Variants in ADARB2 observed in about 807,000 individuals in gnomAD.
ADARB2 encodes the protein adenosine deaminase RNA specific B2 (inactive), also known as inactive double-stranded RNA-specific editase B2.
ADARB2 carries 25 observed loss-of-function variants against 62.2 expected under a neutral mutation model. The observed-to-expected ratio is 0.40, with a 90% CI of 0.29 to 0.56. The LOEUF (loss-of-function observed/expected upper bound fraction) is 0.56. Ranked by LOEUF, ADARB2 falls within the 20% of genes least tolerant of loss-of-function variation. The pLI is 0.43. For synonymous variants in ADARB2, 572 were observed against 500.8 expected, an observed-to-expected ratio of 1.14 and a Z score of -1.90; for missense variants, 1,071 against 1,077.4, an observed-to-expected ratio of 0.99 and a Z score of 0.08.
intron 3 of ADARB2, among the ~76,000 whole-genome samples, chr10:1,345,684 G>A (rs1477102936): frequency 6.6e-6 from 1 of 152,182 alleles, no homozygotes; most frequent in African/African-American, 2.4e-5. Context: ...TCTTTTTTGA[G>A]GGACAGGACA....
At position 1,294,279 on chromosome 10, in the gene ADARB2, T is replaced by C. The variant is rs1589181917; in HGVS notation, c.1078-23210A>G. On this transcript the variant is annotated intron_variant, in intron 3 of 9. Coordinates refer to ENST00000381312, the MANE Select transcript of ADARB2 (RefSeq NM_018702.4). ...GAAATTCCATTTCTGATGCCAGCCA[T>C]GTGCAGATGGCTGAGGCTCACATGA... Among the ~76,000 whole-genome samples, 3 of 152,320 alleles carry C rather than the reference T, an allele frequency of 2.0e-5. No homozygotes were observed. In the East Asian group the frequency reaches 5.8e-4, roughly 29 times the overall value.
At position 1,341,497 on chromosome 10, in the gene ADARB2, T is replaced by G. The variant is rs551287664; in HGVS notation, c.1077+21531A>C. 3.9e-3 allele frequency among the ~76,000 whole-genome samples: 553 copies of G among 142,054 alleles called. 3 individuals are homozygous for G. The highest frequency in any genetic ancestry group is 6.5e-3 in the Non-Finnish European group (435 of 66,432). 93.2% of individuals were successfully genotyped at this position (142,054 alleles called of 152,430 possible). A position where few individuals can be genotyped will look rare whatever the true frequency, so the allele number is the denominator to read the frequency against. On this transcript the variant is annotated intron_variant, in intron 3 of 9. Transcript: ENST00000381312. ...TGCCCCACAGTGGCAATAACCAGCA[T>G]CCACCAGAGAACCACATGCCCCACA... is the stretch of plus-strand genomic sequence containing the variant.
At chr10:1,581,042 T>G (rs951470991) in intron 1 of ADARB2, among the ~76,000 whole-genome samples, 1 of 152,166 alleles carries the variant, frequency 6.6e-6, no homozygotes, top group African/African-American at 2.4e-5. Flanking sequence ...TGTGCAGGAT[T>G]TTGTGTGGAC....
intron 1 of ADARB2, among the ~76,000 whole-genome samples, chr10:1,597,666 C>T (rs2132012274): frequency 6.6e-6 from 1 of 152,292 alleles, no homozygotes; most frequent in Non-Finnish European, 1.5e-5. Context: ...CTACTATGCT[C>T]TTGGTGAGAA....
chr10:1,192,626 G>A (rs1836858059), intron 8 of ADARB2, among the ~76,000 whole-genome samples: 1 of 152,252 alleles, frequency 6.6e-6, no homozygotes, highest in African/African-American at 2.4e-5. Flanking sequence ...ATGGACAGCT[G>A]GTTCTTTCTG....
intron 1 of ADARB2, among the ~76,000 whole-genome samples, chr10:1,551,936 T>TGGCCTCAGGAGGGGCAGCGTGGC (rs1216403888): frequency 2.6e-5 from 4 of 152,200 alleles, no homozygotes; most frequent in Non-Finnish European, 4.4e-5. Context: ...CATGGAGTCC[T>TGGCCTCAGGAGGGGCAGCGTGGC]GGCCTCAGGA....
intron 1 of ADARB2, among the ~76,000 whole-genome samples, chr10:1,630,072 A>G (rs1293080476): frequency 1.3e-5 from 2 of 152,190 alleles, no homozygotes. Context: ...CTTGCTTGCT[A>G]GAGCTGCAGT....
intron 1 of ADARB2, among the ~76,000 whole-genome samples, chr10:1,533,156 T>C (rs902213141): frequency 6.6e-6 from 1 of 151,240 alleles, no homozygotes; most frequent in Non-Finnish European, 1.5e-5. Flanking sequence ...CCTCGCTCCA[T>C]TGCCCAGGCT....
chr10:1,712,645 C>T (rs1414247888), intron 1 of ADARB2, among the ~76,000 whole-genome samples: 32 of 114 alleles, frequency 0.28, no homozygotes, highest in South Asian at 0.5. Context: ...CTCCCTCTGT[C>T]CCCCAGGGAA....
chr10:1,324,052 C>T (rs77733626), intron 3 of ADARB2, among the ~76,000 whole-genome samples: 3,696 of 152,294 alleles, frequency 0.024, 85 homozygotes, highest in East Asian at 0.11. Flanking sequence ...CAAAACTTAT[C>T]AGCAAAAACA....
chr10:1,461,674 C>CT (rs1831176856), intron 1 of ADARB2, among the ~76,000 whole-genome samples: 1 of 65,594 alleles, frequency 1.5e-5, no homozygotes, highest in Non-Finnish European at 4.0e-5. Flanking sequence ...TTTTTTTTTC[C>CT]TTTTTTTCTT....
intron 4 of ADARB2, among the ~76,000 whole-genome samples, chr10:1,244,092 G>C (rs1020607984): frequency 6.6e-6 from 1 of 152,226 alleles, no homozygotes; most frequent in Non-Finnish European, 1.5e-5. Flanking sequence ...GCCCCCTAGC[G>C]GGGGTCCCAG....
intron 1 of ADARB2, among the ~76,000 whole-genome samples, chr10:1,515,313 G>C (rs890938400): frequency 3.3e-5 from 5 of 152,218 alleles, no homozygotes; most frequent in African/African-American, 9.6e-5. Flanking sequence ...GTGCCCGTTG[G>C]CTGGTGCACT....
At chr10:1,638,781 G>C (rs1195652969) in intron 1 of ADARB2, among the ~76,000 whole-genome samples, 1 of 152,210 alleles carries the variant, frequency 6.6e-6, no homozygotes, top group African/African-American at 2.4e-5. Flanking sequence ...AGATGACACA[G>C]CTGGACCCGA....
chr10:1,524,738 C>T lies in ADARB2; in HGVS notation c.101-145578G>A, dbSNP rs538015034. Among the ~76,000 whole-genome samples the T allele has an allele frequency of 3.9e-5, 6 of 152,206 alleles. No individual in the cohort carries two copies. The South Asian group carries it at 1.2e-3, about 32-fold the overall frequency. ...GTGGTAGGCAGGGTCAGAGTGCACA[C>T]GCGCGTGTGTTCATGTGTGCTGTGT... On this transcript the variant is annotated intron_variant, in intron 1 of 9. Coordinates refer to ENST00000381312, the MANE Select transcript of ADARB2 (RefSeq NM_018702.4).
chr10:1,346,768 G>C (rs763319171), intron 3 of ADARB2, among the ~76,000 whole-genome samples: 3 of 152,242 alleles, frequency 2.0e-5, no homozygotes, highest in Non-Finnish European at 4.4e-5. Context: ...GCGAGGGCAC[G>C]TGGGTCCTTG....
chr10:1,505,640 C>A (rs975421822), intron 1 of ADARB2, among the ~76,000 whole-genome samples: 2 of 152,098 alleles, frequency 1.3e-5, no homozygotes, highest in African/African-American at 4.8e-5. Flanking sequence ...TATGCCACTC[C>A]CATCCCCACC....
At chr10:1,247,945 T>C (rs1831001919) in intron 4 of ADARB2, among the ~76,000 whole-genome samples, 1 of 152,172 alleles carries the variant, frequency 6.6e-6, no homozygotes, top group Admixed American at 6.5e-5. Context: ...AGATCCTTGA[T>C]TGCTGGGATG....
At chr10:1,721,779 C>G (rs755443083) in intron 1 of ADARB2, among the ~76,000 whole-genome samples, 1 of 152,022 alleles carries the variant, frequency 6.6e-6, no homozygotes, top group African/African-American at 2.4e-5. Context: ...TTTCATCTAC[C>G]CTCAGCCTTG....
Sources: gnomAD v4.1 joint callset for allele counts (sites outside exome capture counted in the v4.1 genomes callset) on GRCh38, gnomAD v4.1.1 for gene constraint, MANE v1.5 for transcripts, NCBI Gene and HGNC (gene_info 2026-07-23, HGNC 2026-07-21) for gene names.